The following PPP2R5C variants were observed in gnomAD, a reference collection of about 807,000 sequenced individuals.
PPP2R5C encodes the protein protein phosphatase 2 regulatory subunit B'gamma.
PPP2R5C carries 7 observed loss-of-function variants against 68.9 expected under a neutral mutation model. That is an observed-to-expected ratio of 0.10 (90% CI 0.06 to 0.19). The LOEUF is 0.19. Ranked by LOEUF, PPP2R5C falls within the 10% of genes least tolerant of loss-of-function variation. PPP2R5C has a pLI of 1.00. For synonymous variants in PPP2R5C, 210 were observed against 222.2 expected (o/e 0.95, Z 0.49); for missense variants, 348 against 641.3 (o/e 0.54, Z 4.94).
intron 8 of PPP2R5C, 25 bp from the exon 11 acceptor site, chr14:101,901,694 A>G (rs946613992): frequency 6.8e-6 from 11 of 1,610,194 alleles, no homozygotes; most frequent in Non-Finnish European, 9.3e-6. Flanking sequence ...GGCATCAGTC[A>G]CTCCACGTGT....
At chr14:101,867,274 G>A (rs1292274502) in intron 2 of PPP2R5C, among the ~76,000 whole-genome samples, 8 of 151,638 alleles carry the variant, frequency 5.3e-5, no homozygotes, top group Non-Finnish European at 1.0e-4. Flanking sequence ...GGTGGCGCAC[G>A]CCTGCACCTA....
rs1033297276 is a variant in PPP2R5C at position 101,781,256 on chromosome 14, A to G, written c.94-4762A>G. On this transcript the variant is annotated intron_variant, in intron 2 of 14. Transcript: ENST00000328724. The surrounding 1 kb of genome is among the most constrained non-coding windows in gnomAD (Gnocchi z 6.4). Reference sequence around the variant, plus strand: ...TGGTGCCCAGGAGGAGGGCTTGTTTACAGCTGCCGTATTTCCCGGGACCCT... The same window carrying G: ...TGGTGCCCAGGAGGAGGGCTTGTTTGCAGCTGCCGTATTTCCCGGGACCCT... Among the ~76,000 whole-genome samples, 1 of 152,044 alleles carries G rather than the reference A, an allele frequency of 6.6e-6. No homozygotes were observed. Among genetic ancestry groups the G allele is most frequent in the Admixed American group, 6.5e-5 (1 of 15,288 alleles).
At chr14:101,803,488 G>T (rs1222055472) in intron 3 of PPP2R5C, among the ~76,000 whole-genome samples, 1 of 152,120 alleles carries the variant, frequency 6.6e-6, no homozygotes, top group African/African-American at 2.4e-5. Flanking sequence ...ACTTTGGGAG[G>T]CCAAGGCAGG....
intron 9 of PPP2R5C, among the ~76,000 whole-genome samples, chr14:101,905,746 G>T (rs2045984571): frequency 6.6e-6 from 1 of 151,622 alleles, no homozygotes; most frequent in South Asian, 2.1e-4. Flanking sequence ...CTGTTCCCCT[G>T]CCCTCCTACT....
At chr14:101,876,749 G>A (rs1427716336) in intron 2 of PPP2R5C, among the ~76,000 whole-genome samples, 3 of 152,176 alleles carry the variant, frequency 2.0e-5, no homozygotes, top group African/African-American at 7.2e-5. Flanking sequence ...TGAATCACAT[G>A]CAGACATACG....
chr14:101,787,546 G>A lies in PPP2R5C; in HGVS notation c.259+1363G>A, dbSNP rs556871866. Among the ~76,000 whole-genome samples, 19 of 152,086 alleles carry A rather than the reference G, an allele frequency of 1.2e-4. No individual in the cohort carries two copies. The East Asian group carries it at 2.5e-3, about 20-fold the overall frequency. On this transcript the variant is annotated intron_variant, in intron 3 of 14. Coordinates refer to the PPP2R5C transcript ENST00000328724. ...TGGGAGGCCAAGGCGGGCGGATCAC[G>A]AGGTCAGGAGATCAAGACCATCCTG... is the stretch of plus-strand genomic sequence containing the variant.
intron 2 of PPP2R5C, among the ~76,000 whole-genome samples, chr14:101,872,876 C>T (rs147537763): frequency 3.3e-5 from 5 of 151,080 alleles, no homozygotes; most frequent in African/African-American, 7.3e-5. Flanking sequence ...ATCCCAATAA[C>T]GTGTATTAGG....
rs2044687284 is a variant in PPP2R5C at position 101,888,949 on chromosome 14, C to G, written c.630-1288C>G. On this transcript the variant is annotated intron_variant, in intron 5 of 13. Coordinates refer to ENST00000334743, the Ensembl canonical transcript of PPP2R5C. The surrounding 1 kb of genome is among the most constrained non-coding windows in gnomAD (Gnocchi z 5.6). ...CTCTCCATGCATCTTGCCCACCCCA[C>G]TCCACGGCACAGACCTTTGTTCCAG... is the stretch of plus-strand genomic sequence containing the variant. 6.6e-6 allele frequency among the ~76,000 whole-genome samples: 1 copy of G among 152,106 alleles called. No homozygotes were observed. Among genetic ancestry groups the G allele is most frequent in the Admixed American group, 6.5e-5 (1 of 15,272 alleles).
At chr14:101,800,137 T>C (rs565342013) in intron 3 of PPP2R5C, among the ~76,000 whole-genome samples, 13 of 152,128 alleles carry the variant, frequency 8.5e-5, no homozygotes, top group African/African-American at 2.9e-4. Context: ...TAGTCCCAGA[T>C]ACTTGGGAGG....
intron 13 of PPP2R5C, among the ~76,000 whole-genome samples, chr14:101,918,721 C>T (rs1030965381): frequency 1.1e-4 from 14 of 127,542 alleles, no homozygotes; most frequent in African/African-American, 4.0e-4. Flanking sequence ...AGAGAGCCTC[C>T]GACCACTGTT....
chr14:101,850,191 C>T (rs1297649617), intron 1 of PPP2R5C, among the ~76,000 whole-genome samples: 1 of 152,144 alleles, frequency 6.6e-6, no homozygotes, highest in Admixed American at 6.5e-5. Context: ...CTCCTCTCAG[C>T]GTTGCCCAGA....
intron 12 of PPP2R5C, 53 bp downstream of exon 14, chr14:101,912,526 A>G (rs2046453991): frequency 3.8e-6 from 6 of 1,558,818 alleles, no homozygotes; most frequent in Non-Finnish European, 4.3e-6. Context: ...GAATGTTTTT[A>G]TAAGATAGGA....
chr14:101,795,875 T>C (rs1566844618), intron 3 of PPP2R5C, among the ~76,000 whole-genome samples: 1 of 152,152 alleles, frequency 6.6e-6, no homozygotes, highest in East Asian at 1.9e-4. Flanking sequence ...CAGGCTGGAG[T>C]GCAGTGGCAC....
chr14:101,862,118 A>T (rs138181042), intron 2 of PPP2R5C, among the ~76,000 whole-genome samples: 16 of 152,076 alleles, frequency 1.1e-4, no homozygotes, highest in African/African-American at 3.9e-4. Context: ...TCTCCACTCT[A>T]TTGGCCAGGC....
intron 3 of PPP2R5C, among the ~76,000 whole-genome samples, chr14:101,804,531 C>T (rs2038999775): frequency 6.6e-6 from 1 of 152,194 alleles, no homozygotes; most frequent in East Asian, 1.9e-4. Context: ...GAGTACTATT[C>T]AGCCATGAAA....
At chr14:101,846,607 A>G (rs2041844863) in intron 1 of PPP2R5C, among the ~76,000 whole-genome samples, 1 of 152,170 alleles carries the variant, frequency 6.6e-6, no homozygotes. Flanking sequence ...TTTCATTGTT[A>G]TGTTTATTGA....
At chr14:101,826,597 ATTGTT>A (rs1382312569) in intron 1 of PPP2R5C, among the ~76,000 whole-genome samples, 5 of 151,894 alleles carry the variant, frequency 3.3e-5, no homozygotes, top group African/African-American at 1.2e-4. Context: ...TTTTTTCAAA[ATTGTT>A]TTGGTATTTT....
At chr14:101,842,666 G>A (rs1329734735) in intron 1 of PPP2R5C, among the ~76,000 whole-genome samples, 1 of 152,020 alleles carries the variant, frequency 6.6e-6, no homozygotes, top group African/African-American at 2.4e-5. Context: ...AGTCCCCTGA[G>A]AGCAGCGTGG....
chr14:101,867,559 C>A (rs2043156031), intron 2 of PPP2R5C, among the ~76,000 whole-genome samples: 1 of 152,150 alleles, frequency 6.6e-6, no homozygotes, highest in South Asian at 2.1e-4. Context: ...AGGTGGATCA[C>A]CTGAGGTCAG....
Sources: allele counts gnomAD v4.1 joint callset (sites outside exome capture counted in the v4.1 genomes callset), GRCh38; gene constraint gnomAD v4.1.1; non-coding constraint Gnocchi (gnomAD v3.1); transcripts MANE v1.5; gene names NCBI Gene and HGNC (gene_info 2026-07-23, HGNC 2026-07-21).